GNAO1: variants seen among roughly 807,000 people sequenced by gnomAD.
GNAO1 encodes guanine nucleotide-binding protein G(o) subunit alpha.
For synonymous variants in GNAO1, 164 were observed against 180.7 expected, an observed-to-expected ratio of 0.91 and a Z score of 0.74; for missense variants, 166 against 478.7, an observed-to-expected ratio of 0.35 and a Z score of 6.10.
intron 3 of GNAO1, among the ~76,000 whole-genome samples, chr16:56,296,941 G>A (rs1206294345): frequency 1.3e-5 from 2 of 152,126 alleles, no homozygotes; most frequent in Non-Finnish European, 2.9e-5. Context: ...GAGAGATGGT[G>A]GGGCCCCACT....
intron 6 of GNAO1, chr16:56,345,488 C>G: frequency 1.0e-6 from 1 of 985,532 alleles, no homozygotes; most frequent in Non-Finnish European, 1.2e-6. Context: ...GTTGGACCCA[C>G]AGGCACAGAG....
intron 2 of GNAO1, among the ~76,000 whole-genome samples, chr16:56,237,083 C>T (rs1487571349): frequency 6.6e-6 from 1 of 152,186 alleles, no homozygotes; most frequent in Non-Finnish European, 1.5e-5. Context: ...GTACTTAGCA[C>T]ATTGCTTAGC....
chr16:56,332,763 T>A (rs958604035), intron 4 of GNAO1, among the ~76,000 whole-genome samples: 1 of 152,236 alleles, frequency 6.6e-6, no homozygotes, highest in Admixed American at 6.5e-5. Flanking sequence ...GAGGGCCAGG[T>A]TGCCCATCTA....
At chr16:56,249,660 T>G (rs567681513) in intron 2 of GNAO1, among the ~76,000 whole-genome samples, 139 of 152,258 alleles carry the variant, frequency 9.1e-4, no homozygotes, top group African/African-American at 3.3e-3. Flanking sequence ...GTCTGGAAAT[T>G]AAGCAGGCCC....
chr16:56,227,313 G>C (rs890432421), intron 2 of GNAO1, among the ~76,000 whole-genome samples: 10 of 152,216 alleles, frequency 6.6e-5, no homozygotes, highest in Non-Finnish European at 1.3e-4. Flanking sequence ...GAGGCATCCA[G>C]TGTCCCGTGC....
intron 6 of GNAO1, among the ~76,000 whole-genome samples, chr16:56,350,160 C>T (rs2037907756): frequency 6.6e-6 from 1 of 152,126 alleles, no homozygotes; most frequent in Non-Finnish European, 1.5e-5. Context: ...CCACGGTGTG[C>T]TCACCCCTGG....
intron 2 of GNAO1, among the ~76,000 whole-genome samples, chr16:56,223,939 G>A (rs1452721453): frequency 6.6e-6 from 1 of 152,240 alleles, no homozygotes; most frequent in East Asian, 1.9e-4. Context: ...GAACCAGAAA[G>A]AGTAAATGAC....
chr16:56,336,875 C>A lies in GNAO1; in HGVS notation c.723+15C>A. 4 of 1,602,910 alleles carry A rather than the reference C, an allele frequency of 2.5e-6. No homozygotes were observed. Among genetic ancestry groups the A allele is most frequent in the Non-Finnish European group, 3.4e-6 (4 of 1,176,472 alleles). ...ACGAAACCACGGTGAGTGGCCTGGG[C>A]CCCCCGGGCAGGGGGCAGCGCTGAG... On this transcript the variant is annotated intron_variant, in intron 6 of 8. Transcript: ENST00000262493.
intron 2 of GNAO1, among the ~76,000 whole-genome samples, chr16:56,256,233 C>T (rs1384604427): frequency 1.3e-5 from 2 of 152,210 alleles, no homozygotes; most frequent in East Asian, 3.8e-4. Flanking sequence ...CCTGAGACAT[C>T]TGTCTCCCTT....
chr16:56,338,776 G>T (rs1179254689), intron 6 of GNAO1, among the ~76,000 whole-genome samples: 2 of 152,216 alleles, frequency 1.3e-5, no homozygotes, highest in African/African-American at 4.8e-5. Flanking sequence ...CAGGCCCTGA[G>T]CTCTGCAGCC....
At chr16:56,310,197 G>A (rs2037441602) in intron 3 of GNAO1, among the ~76,000 whole-genome samples, 3 of 152,090 alleles carry the variant, frequency 2.0e-5, no homozygotes, top group Non-Finnish European at 2.9e-5. Flanking sequence ...ACATTGTGGT[G>A]TGCTCCCGTA....
chr16:56,256,800 C>T (rs1043998844), intron 2 of GNAO1, among the ~76,000 whole-genome samples: 1 of 151,040 alleles, frequency 6.6e-6, no homozygotes, highest in African/African-American at 2.4e-5. Context: ...TGGCTGCACT[C>T]AGGGGCCACT....
chr16:56,208,451 G>GCA (rs1327870388), intron 2 of GNAO1, among the ~76,000 whole-genome samples: 2 of 41,746 alleles, frequency 4.8e-5, no homozygotes, highest in African/African-American at 7.7e-5. Context: ...GTGTGTGTGC[G>GCA]CGCGCGCGCA....
At chr16:56,268,953 C>T (rs2036985206) in intron 2 of GNAO1, among the ~76,000 whole-genome samples, 2 of 152,204 alleles carry the variant, frequency 1.3e-5, no homozygotes, top group African/African-American at 4.8e-5. Context: ...TCTGTCCCTA[C>T]CTCCACTGGG....
intron 2 of GNAO1, among the ~76,000 whole-genome samples, chr16:56,273,157 C>T (rs918584139): frequency 1.3e-5 from 2 of 152,164 alleles, no homozygotes; most frequent in Non-Finnish European, 1.5e-5. Flanking sequence ...CATTTTATCC[C>T]TCCCATCCTT....
chr16:56,315,236 A>G (rs1567480095), intron 3 of GNAO1, among the ~76,000 whole-genome samples: 1 of 152,216 alleles, frequency 6.6e-6, no homozygotes, highest in Non-Finnish European at 1.5e-5. Context: ...GGCGGCTGTA[A>G]TTAAACTATT....
intron 3 of GNAO1, among the ~76,000 whole-genome samples, chr16:56,300,036 T>TGTGTGTGTGTGTGTGTGC (rs753591618): frequency 2.1e-3 from 201 of 95,158 alleles, no homozygotes; most frequent in African/African-American, 8.5e-3. Context: ...TGTGTGTGTG[T>TGTGTGTGTGTGTGTGTGC]GCGCGCGCGC....
At chr16:56,219,735 C>T (rs2036467047) in intron 2 of GNAO1, among the ~76,000 whole-genome samples, 1 of 152,112 alleles carries the variant, frequency 6.6e-6, no homozygotes, top group South Asian at 2.1e-4. Flanking sequence ...GTGGCTCCTT[C>T]ATGGCTCTGA....
chr16:56,244,487 G>A (rs56281550), intron 2 of GNAO1, among the ~76,000 whole-genome samples: 31,045 of 151,922 alleles, frequency 0.2, 3,461 homozygotes, highest in East Asian at 0.37. Context: ...CAGCTGATGA[G>A]AAGCTTCGAT....
Sources: gnomAD v4.1 joint callset for allele counts (sites outside exome capture counted in the v4.1 genomes callset) on GRCh38, gnomAD v4.1.1 for gene constraint, MANE v1.5 for transcripts, NCBI Gene and HGNC (gene_info 2026-07-23, HGNC 2026-07-21) for gene names.